The following TMEM217B variants were observed in gnomAD, a reference collection of about 807,000 sequenced individuals.
The protein encoded by TMEM217B is putative transmembrane protein 217B.
the TMEM217B span, among the ~76,000 whole-genome samples, chr6:37,220,107 G>C: frequency 1.3e-5 from 2 of 152,164 alleles, no homozygotes; most frequent in African/African-American, 4.8e-5. Flanking sequence ...AAAATAAATA[G>C]AAGCGCGTAA....
the TMEM217B span, among the ~76,000 whole-genome samples, chr6:37,226,255 GTTTTA>G: frequency 5.3e-3 from 366 of 68,596 alleles, 3 homozygotes; most frequent in South Asian, 0.034. Context: ...GTTTTGTTTT[GTTTTA>G]TTTTGTTTTT....
chr6:37,222,940 AC>A, the TMEM217B span, among the ~76,000 whole-genome samples: 4,683 of 152,310 alleles, frequency 0.031, 183 homozygotes, highest in Middle Eastern at 0.092. Flanking sequence ...TTGAAAAAGA[AC>A]CCAAATAGAA....
chr6:37,228,821 C>T, the TMEM217B span, among the ~76,000 whole-genome samples: 2 of 151,576 alleles, frequency 1.3e-5, no homozygotes, highest in African/African-American at 4.9e-5. Flanking sequence ...CACGGTGAAA[C>T]CCCGTCTCTA....
the TMEM217B span, among the ~76,000 whole-genome samples, chr6:37,232,489 C>T: frequency 6.6e-6 from 1 of 152,132 alleles, no homozygotes; most frequent in Non-Finnish European, 1.5e-5. Context: ...GGGTTCACGC[C>T]ATTCTCCTGC....
the TMEM217B span, among the ~76,000 whole-genome samples, chr6:37,232,174 G>C: frequency 6.6e-6 from 1 of 152,050 alleles, no homozygotes. Flanking sequence ...GGGTACAAAA[G>C]GACGCTTCGT....
chr6:37,236,006 C>T, the TMEM217B span, among the ~76,000 whole-genome samples: 2 of 152,082 alleles, frequency 1.3e-5, no homozygotes, highest in African/African-American at 4.8e-5. Flanking sequence ...AATATTCATA[C>T]TAGAAAAATA....
chr6:37,233,272 C>G, the TMEM217B span, among the ~76,000 whole-genome samples: 2 of 152,096 alleles, frequency 1.3e-5, no homozygotes, highest in Non-Finnish European at 2.9e-5. Context: ...TCACTAAGTT[C>G]CATCAACTCT....
the TMEM217B span, among the ~76,000 whole-genome samples, chr6:37,213,860 T>C: frequency 2.0e-5 from 3 of 152,218 alleles, no homozygotes; most frequent in Non-Finnish European, 2.9e-5. Flanking sequence ...CTCCTCATCA[T>C]TCACTACACT....
the TMEM217B span, among the ~76,000 whole-genome samples, chr6:37,254,224 C>T: frequency 6.6e-6 from 1 of 152,184 alleles, no homozygotes; most frequent in Non-Finnish European, 1.5e-5. Flanking sequence ...ATATAATCCT[C>T]AGTGATTCAC....
At chr6:37,253,543 T>TA in the TMEM217B span, among the ~76,000 whole-genome samples, 1 of 152,242 alleles carries the variant, frequency 6.6e-6, no homozygotes, top group African/African-American at 2.4e-5. Context: ...GTTGTTTAGA[T>TA]ACTATAAAGC....
chr6:37,217,079 A>C, the TMEM217B span, among the ~76,000 whole-genome samples: 9 of 152,244 alleles, frequency 5.9e-5, no homozygotes, highest in Non-Finnish European at 2.9e-5. Flanking sequence ...GGATCACCTA[A>C]GGTCAGGAAT....
the TMEM217B span, chr6:37,213,045 C>T: frequency 1.6e-6 from 2 of 1,278,848 alleles, no homozygotes; most frequent in Non-Finnish European, 2.2e-6. Context: ...CAGAGGTAGC[C>T]TTAGACAAAT....
chr6:37,243,421 T>A, the TMEM217B span, among the ~76,000 whole-genome samples: 136,229 of 152,234 alleles, frequency 0.89, 60,993 homozygotes, highest in African/African-American at 0.92. Flanking sequence ...CCTGTCCTTC[T>A]TCCCAGTGTA....
the TMEM217B span, among the ~76,000 whole-genome samples, chr6:37,249,471 C>T: frequency 6.6e-6 from 1 of 152,222 alleles, no homozygotes; most frequent in Non-Finnish European, 1.5e-5. Context: ...AGACACGTGC[C>T]ACCATGCCCA....
chr6:37,232,183 G>A, the TMEM217B span, among the ~76,000 whole-genome samples: 10 of 152,178 alleles, frequency 6.6e-5, no homozygotes, highest in South Asian at 1.0e-3. Flanking sequence ...AGGACGCTTC[G>A]TTCCAAAAAA....
At chr6:37,253,609 GCA>G in the TMEM217B span, among the ~76,000 whole-genome samples, 2 of 152,146 alleles carry the variant, frequency 1.3e-5, no homozygotes, top group Non-Finnish European at 2.9e-5. Context: ...GCCCAACATT[GCA>G]CAGTGCATTG....
At chr6:37,222,548 T>C in the TMEM217B span, among the ~76,000 whole-genome samples, 1 of 152,202 alleles carries the variant, frequency 6.6e-6, no homozygotes, top group Non-Finnish European at 1.5e-5. Context: ...TACTTGTCCC[T>C]GGCTCCTGCC....
the TMEM217B span, among the ~76,000 whole-genome samples, chr6:37,224,454 C>T: frequency 1.6e-4 from 24 of 149,978 alleles, 1 homozygote; most frequent in East Asian, 4.8e-3. Context: ...AAAAATTAGC[C>T]GGGCGTGGTG....
At chr6:37,249,865 T>G in the TMEM217B span, among the ~76,000 whole-genome samples, 1 of 152,208 alleles carries the variant, frequency 6.6e-6, no homozygotes, top group South Asian at 2.1e-4. Context: ...GTTGAACTTA[T>G]GCATACACTC....
Sources: allele counts gnomAD v4.1 joint callset (sites outside exome capture counted in the v4.1 genomes callset), GRCh38; gene constraint gnomAD v4.1.1; transcripts MANE v1.5; gene names NCBI Gene and HGNC (gene_info 2026-07-23, HGNC 2026-07-21).